CSMD1: variants seen among roughly 807,000 people sequenced by gnomAD.
CSMD1 encodes the protein CUB and sushi domain-containing protein 1.
In CSMD1, 213 loss-of-function variants were observed where a neutral mutation model predicts 417.5. The observed-to-expected ratio is 0.51, with a 90% confidence interval of 0.46 to 0.57. The LOEUF (loss-of-function observed/expected upper bound fraction) is 0.57, where lower values mean the gene tolerates loss of function less well. CSMD1 is among the 20% of genes least tolerant of loss of function. The pLI, the probability that CSMD1 is intolerant of heterozygous loss-of-function variation, is 0.00. For synonymous variants in CSMD1, 2,862 were observed against 1,736.8 expected (o/e 1.65, Z -16.11); for missense variants, 6,923 against 4,529.7 (o/e 1.53, Z -15.17).
intron 41 of CSMD1, among the ~76,000 whole-genome samples, chr8:3,138,093 G>A (rs1818214278): frequency 6.6e-6 from 1 of 152,158 alleles, no homozygotes; most frequent in African/African-American, 2.4e-5. Flanking sequence ...AGGCATGGTG[G>A]CGGGTGCCTG....
intron 7 of CSMD1, among the ~76,000 whole-genome samples, chr8:3,642,629 T>C (rs1797364355): frequency 6.6e-6 from 1 of 152,054 alleles, no homozygotes; most frequent in African/African-American, 2.4e-5. Flanking sequence ...TGAGTGGAAG[T>C]AGGCAGGTTA....
chr8:3,556,798 G>A (rs944146352), intron 10 of CSMD1, among the ~76,000 whole-genome samples: 7 of 152,244 alleles, frequency 4.6e-5, no homozygotes, highest in Non-Finnish European at 7.3e-5. Flanking sequence ...ACTGCCAAAA[G>A]AGGCGACCTT....
intron 12 of CSMD1, among the ~76,000 whole-genome samples, chr8:3,436,386 C>T (rs1430903743): frequency 6.6e-6 from 1 of 152,142 alleles, no homozygotes; most frequent in African/African-American, 2.4e-5. Flanking sequence ...GCAAAACTGT[C>T]TGATTAGAAT....
chr8:4,322,420 A>G (rs549072110), intron 3 of CSMD1, among the ~76,000 whole-genome samples: 1 of 152,322 alleles, frequency 6.6e-6, no homozygotes, highest in South Asian at 2.1e-4. Flanking sequence ...AGGTGACTAC[A>G]TATGGCAGAA....
At chr8:4,952,929 T>G (rs778320703) in intron 1 of CSMD1, among the ~76,000 whole-genome samples, 1 of 152,152 alleles carries the variant, frequency 6.6e-6, no homozygotes, top group Admixed American at 6.6e-5. Flanking sequence ...CACTGCTACA[T>G]ACTACAAGAC....
At chr8:4,573,132 C>A (rs116065870) in intron 2 of CSMD1, among the ~76,000 whole-genome samples, 3,312 of 152,222 alleles carry the variant, frequency 0.022, 119 homozygotes, top group African/African-American at 0.076. Flanking sequence ...ATTCATCAAA[C>A]GCATTCCCTG....
chr8:3,557,945 C>T (rs1799228907), intron 10 of CSMD1, among the ~76,000 whole-genome samples: 1 of 152,184 alleles, frequency 6.6e-6, no homozygotes, highest in Non-Finnish European at 1.5e-5. Flanking sequence ...TTTGCAAAAA[C>T]ATTGTGGAAT....
chr8:3,185,059 A>T (rs1419252100), intron 36 of CSMD1, among the ~76,000 whole-genome samples: 1 of 152,204 alleles, frequency 6.6e-6, no homozygotes, highest in Non-Finnish European at 1.5e-5. Flanking sequence ...GAGGTACTCT[A>T]GGGAACTATC....
At chr8:4,387,929 TAAC>T (rs1343581465) in intron 3 of CSMD1, among the ~76,000 whole-genome samples, 2 of 151,994 alleles carry the variant, frequency 1.3e-5, no homozygotes, top group African/African-American at 4.8e-5. Context: ...GACTATCGAG[TAAC>T]AACAAAGGAT....
chr8:4,756,308 T>C (rs544341967), intron 1 of CSMD1, among the ~76,000 whole-genome samples: 63 of 152,282 alleles, frequency 4.1e-4, no homozygotes, highest in African/African-American at 1.4e-3. Context: ...GTTTTAAATA[T>C]TGAAGATTTC....
intron 49 of CSMD1, among the ~76,000 whole-genome samples, chr8:3,055,367 C>T (rs13256333): frequency 0.48 from 72,886 of 151,960 alleles, 18,061 homozygotes; most frequent in Non-Finnish European, 0.54. Context: ...GCCCCTTAAG[C>T]GTCTTAACAA....
intron 5 of CSMD1, among the ~76,000 whole-genome samples, chr8:3,773,121 A>T (rs1418514917): frequency 6.6e-6 from 1 of 152,128 alleles, no homozygotes; most frequent in Non-Finnish European, 1.5e-5. Context: ...TCACAACCTC[A>T]TCTCTTCGCC....
At position 4,161,404 on chromosome 8, in the gene CSMD1, C is replaced by T. The variant is rs555978435; in HGVS notation, c.416-129305G>A. Among the ~76,000 whole-genome samples, 28 of 152,314 alleles carry T rather than the reference C, an allele frequency of 1.8e-4. No individual in the cohort carries two copies. In the Middle Eastern group the frequency reaches 0.01, roughly 56 times the overall value. On this transcript the variant is annotated intron_variant, in intron 3 of 69. Transcript: ENST00000635120. ...GAATTAAAGGAATCTTAGAGGTAAACTTGTCATTCCTCCTTAATTTTTTAG... is the reference window on the plus strand; with the variant it reads ...GAATTAAAGGAATCTTAGAGGTAAATTTGTCATTCCTCCTTAATTTTTTAG...
chr8:4,887,039 C>A (rs1337165365), intron 1 of CSMD1, among the ~76,000 whole-genome samples: 1 of 151,790 alleles, frequency 6.6e-6, no homozygotes, highest in Non-Finnish European at 1.5e-5. Flanking sequence ...GTTGATAATC[C>A]ATTTCCAATG....
chr8:4,256,321 G>T lies in CSMD1; in HGVS notation c.415+163632C>A, dbSNP rs925341921. Among the ~76,000 whole-genome samples, 5 of 152,152 alleles carry T rather than the reference G, an allele frequency of 3.3e-5. No individual in the cohort carries two copies. The East Asian group carries it at 5.8e-4, about 18-fold the overall frequency. ...GAAATGTACAACAATTTTGCAGAAA[G>T]ACCAGCTCTGAATTTCTAGCTCCTA... On this transcript the variant is annotated intron_variant, in intron 3 of 69. Coordinates refer to ENST00000635120, the MANE Select transcript of CSMD1 (RefSeq NM_033225.6).
At chr8:3,387,883 T>C (rs1313006482) in intron 17 of CSMD1, among the ~76,000 whole-genome samples, 1 of 152,214 alleles carries the variant, frequency 6.6e-6, no homozygotes, top group African/African-American at 2.4e-5. Flanking sequence ...AGATTTATAT[T>C]GTTATGCTGT....
chr8:4,926,322 A>C (rs368229761), intron 1 of CSMD1, among the ~76,000 whole-genome samples: 1 of 152,160 alleles, frequency 6.6e-6, no homozygotes, highest in South Asian at 2.1e-4. Context: ...TAAAACACCT[A>C]TAATTTTGTG....
intron 49 of CSMD1, among the ~76,000 whole-genome samples, chr8:3,084,557 A>G (rs1158480359): frequency 6.6e-6 from 1 of 151,316 alleles, no homozygotes; most frequent in Non-Finnish European, 1.5e-5. Context: ...ACATTCTAAA[A>G]GTAACAAAAG....
intron 2 of CSMD1, among the ~76,000 whole-genome samples, chr8:4,572,462 A>G (rs112302867): frequency 0.16 from 23,743 of 152,154 alleles, 2,182 homozygotes; most frequent in Non-Finnish European, 0.2. Context: ...TCTTCTGGCT[A>G]GTAGGGTTTC....
Sources: gnomAD v4.1 joint callset for allele counts (sites outside exome capture counted in the v4.1 genomes callset) on GRCh38, gnomAD v4.1.1 for gene constraint, MANE v1.5 for transcripts, NCBI Gene and HGNC (gene_info 2026-07-23, HGNC 2026-07-21) for gene names.